Variants in ULK4 observed in about 807,000 individuals in gnomAD.
ULK4 encodes unc-51 like kinase 4.
ULK4 carries 133 observed loss-of-function variants against 160.6 expected under a neutral mutation model. The observed-to-expected ratio is 0.83, with a 90% CI of 0.72 to 0.96. The LOEUF (loss-of-function observed/expected upper bound fraction) is 0.96, where lower values mean the gene tolerates loss of function less well. Among genes scored for constraint, ULK4 ranks in the 40% least tolerant of loss-of-function variants. ULK4 has a pLI of 0.00. For missense variants in ULK4, 1,580 were observed against 1,499.5 expected, an observed-to-expected ratio of 1.05 and a Z score of -0.89; for synonymous variants, 534 against 539.8, an observed-to-expected ratio of 0.99 and a Z score of 0.15.
At chr3:41,745,099 G>A (rs1483732061) in intron 22 of ULK4, among the ~76,000 whole-genome samples, 1 of 151,336 alleles carries the variant, frequency 6.6e-6, no homozygotes, top group Non-Finnish European at 1.5e-5. Context: ...TGCTACATGA[G>A]ACCTTTTACA....
intron 35 of ULK4, among the ~76,000 whole-genome samples, chr3:41,313,572 A>G (rs1426520236): frequency 2.6e-5 from 4 of 152,068 alleles, no homozygotes; most frequent in African/African-American, 2.4e-5. Context: ...GGTTTATTCT[A>G]TTATTCTTTT....
chr3:41,885,154 A>C (rs1453873242), intron 16 of ULK4, among the ~76,000 whole-genome samples: 2 of 152,160 alleles, frequency 1.3e-5, no homozygotes, highest in African/African-American at 4.8e-5. Flanking sequence ...GCATCTGTCT[A>C]TCTCTTTTCA....
At chr3:41,415,382 C>T (rs1559583852) in intron 34 of ULK4, among the ~76,000 whole-genome samples, 1 of 152,178 alleles carries the variant, frequency 6.6e-6, no homozygotes, top group East Asian at 1.9e-4. Context: ...CAATGCTCCA[C>T]TATGCTCCTA....
At chr3:41,498,697 G>A (rs1023069640) in intron 32 of ULK4, among the ~76,000 whole-genome samples, 10 of 151,788 alleles carry the variant, frequency 6.6e-5, no homozygotes, top group Admixed American at 1.3e-4. Context: ...CTGGGTTCAC[G>A]CCATTCTCCT....
intron 31 of ULK4, among the ~76,000 whole-genome samples, chr3:41,598,691 G>A (rs1400086075): frequency 1.5e-5 from 2 of 134,116 alleles, no homozygotes; most frequent in Non-Finnish European, 3.0e-5. Context: ...ACACACACAC[G>A]AGTTCACATT....
intron 27 of ULK4, among the ~76,000 whole-genome samples, chr3:41,699,791 T>C (rs2036611432): frequency 6.6e-6 from 1 of 152,196 alleles, no homozygotes; most frequent in Admixed American, 6.5e-5. Context: ...AAAGAGGTAA[T>C]TAGAAAATTT....
chr3:41,953,153 T>C (rs1332530207), intron 2 of ULK4, among the ~76,000 whole-genome samples: 1 of 151,868 alleles, frequency 6.6e-6, no homozygotes, highest in African/African-American at 2.4e-5. Context: ...AATGTACTTA[T>C]TATCCCTAAA....
chr3:41,739,419 A>C (rs1420744486), intron 22 of ULK4, among the ~76,000 whole-genome samples: 1 of 151,928 alleles, frequency 6.6e-6, no homozygotes, highest in Non-Finnish European at 1.5e-5. Context: ...TTACAAGCCT[A>C]ATCAGAAGTG....
chr3:41,255,129 TACACACACAC>T (rs369404667), intron 35 of ULK4, among the ~76,000 whole-genome samples: 3 of 144,178 alleles, frequency 2.1e-5, no homozygotes, highest in East Asian at 2.0e-4. Flanking sequence ...AAATTATGGC[TACACACACAC>T]ACACACACAC....
At chr3:41,811,838 T>G (rs866611946) in intron 19 of ULK4, among the ~76,000 whole-genome samples, 5 of 152,298 alleles carry the variant, frequency 3.3e-5, no homozygotes, top group Middle Eastern at 6.8e-3. Flanking sequence ...TGGTTACGCT[T>G]TGGGAGAGGA....
At chr3:41,496,157 C>T (rs2084979927) in intron 32 of ULK4, among the ~76,000 whole-genome samples, 2 of 151,772 alleles carry the variant, frequency 1.3e-5, no homozygotes, top group Non-Finnish European at 2.9e-5. Flanking sequence ...AACAAGAAAA[C>T]ACTAAAAAGA....
At chr3:41,805,165 T>C (rs1469003157) in intron 19 of ULK4, among the ~76,000 whole-genome samples, 19 of 152,282 alleles carry the variant, frequency 1.2e-4, no homozygotes, top group South Asian at 4.1e-4. Context: ...TCATTGAGCA[T>C]TGGTTTCTAG....
At chr3:41,286,537 C>T (rs988018818) in intron 35 of ULK4, among the ~76,000 whole-genome samples, 1 of 152,092 alleles carries the variant, frequency 6.6e-6, no homozygotes, top group Non-Finnish European at 1.5e-5. Flanking sequence ...TCTAGGAGGC[C>T]TTCAGGAAGA....
At chr3:41,559,917 G>A (rs2087497386) in intron 32 of ULK4, among the ~76,000 whole-genome samples, 1 of 152,118 alleles carries the variant, frequency 6.6e-6, no homozygotes, top group Non-Finnish European at 1.5e-5. Context: ...ATTGCTTTTG[G>A]TGTTTTAGTC....
At chr3:41,424,684 G>T (rs1400014327) in intron 34 of ULK4, among the ~76,000 whole-genome samples, 1 of 152,128 alleles carries the variant, frequency 6.6e-6, no homozygotes, top group African/African-American at 2.4e-5. Flanking sequence ...CCCTATGGAA[G>T]AGGGGCCTGA....
intron 35 of ULK4, among the ~76,000 whole-genome samples, chr3:41,383,947 G>GA (rs2081736416): frequency 6.6e-6 from 1 of 152,056 alleles, no homozygotes; most frequent in African/African-American, 2.4e-5. Flanking sequence ...TAACCACTTT[G>GA]TTCCATAAAT....
intron 29 of ULK4, among the ~76,000 whole-genome samples, chr3:41,666,457 C>A (rs2035353666): frequency 6.6e-6 from 1 of 152,082 alleles, no homozygotes; most frequent in African/African-American, 2.4e-5. Flanking sequence ...AGCATACATC[C>A]CTAAGAAGGA....
intron 32 of ULK4, among the ~76,000 whole-genome samples, chr3:41,549,233 T>A (rs73830236): frequency 0.061 from 9,287 of 151,910 alleles, 843 homozygotes; most frequent in African/African-American, 0.2. Flanking sequence ...GAAAAAGAAT[T>A]GAAACTAATG....
intron 27 of ULK4, among the ~76,000 whole-genome samples, chr3:41,688,366 C>A (rs1374008862): frequency 1.3e-5 from 2 of 152,140 alleles, no homozygotes; most frequent in African/African-American, 4.8e-5. Flanking sequence ...CCAGCCTGAG[C>A]CACATAGTGG....
Sources: gnomAD v4.1 joint callset for allele counts (sites outside exome capture counted in the v4.1 genomes callset) on GRCh38, gnomAD v4.1.1 for gene constraint, MANE v1.5 for transcripts, NCBI Gene and HGNC (gene_info 2026-07-23, HGNC 2026-07-21) for gene names.